The following SPAG16 variants were observed in gnomAD, a reference collection of about 807,000 sequenced individuals.
The protein encoded by SPAG16 is sperm associated antigen 16, also known as sperm-associated antigen 16 protein.
A neutral mutation model predicts 80.4 loss-of-function variants in SPAG16; 86 were observed. That is an observed-to-expected ratio of 1.07 (90% CI 0.90 to 1.28). SPAG16 has a LOEUF of 1.28. Among genes scored for constraint, SPAG16 ranks in the 50% most tolerant of loss-of-function variants. The pLI is 0.00. For missense variants in SPAG16, 870 were observed against 765.3 expected, an observed-to-expected ratio of 1.14 and a Z score of -1.61; for synonymous variants, 294 against 265.9, an observed-to-expected ratio of 1.11 and a Z score of -1.03.
chr2:214,388,277 A>G (rs1700872750), intron 15 of SPAG16, among the ~76,000 whole-genome samples: 1 of 152,016 alleles, frequency 6.6e-6, no homozygotes, highest in Admixed American at 6.6e-5. Flanking sequence ...CTATTTAAGA[A>G]AAAAAAATTA....
intron 13 of SPAG16, among the ~76,000 whole-genome samples, chr2:214,049,689 C>G (rs1293010731): frequency 1.3e-5 from 2 of 152,156 alleles, no homozygotes; most frequent in African/African-American, 2.4e-5. Context: ...AGCTGGGGAC[C>G]AGCGGGGCTG....
rs1559529512 is a variant in SPAG16, at chr2:213,860,460, CA to C, written c.1071-2024del. On this transcript the variant is annotated intron_variant, in intron 10 of 15. Transcript: ENST00000331683. ...ATTTATAGATATATGTATATATATA[CA>C]GATATATCTATCTATATATATATAT... 6.7e-4 allele frequency among the ~76,000 whole-genome samples: 88 copies of C among 131,598 alleles called. 1 individual carries two copies. The highest frequency in any genetic ancestry group is 9.1e-4 in the Non-Finnish European group (57 of 62,406). 86.3% of individuals were successfully genotyped at this position (131,598 alleles called of 152,430 possible). A position where few individuals can be genotyped will look rare whatever the true frequency, so the allele number is the denominator to read the frequency against.
chr2:213,286,557 A>G (rs2062063039), intron 1 of SPAG16, among the ~76,000 whole-genome samples: 1 of 152,236 alleles, frequency 6.6e-6, no homozygotes, highest in Non-Finnish European at 1.5e-5. Context: ...CCTTTGGTTT[A>G]AAGTCTTTGC....
chr2:213,991,119 C>T (rs2106450767), intron 12 of SPAG16, among the ~76,000 whole-genome samples: 1 of 152,174 alleles, frequency 6.6e-6, no homozygotes, highest in South Asian at 2.1e-4. Flanking sequence ...CCATCATCTA[C>T]ATTAGGTATG....
At chr2:214,133,961 C>G (rs1435168238) in intron 14 of SPAG16, among the ~76,000 whole-genome samples, 1 of 152,056 alleles carries the variant, frequency 6.6e-6, no homozygotes, top group East Asian at 1.9e-4. Context: ...GGGGAACTTC[C>G]AAGTGAGAAA....
rs1575665829 is a variant in SPAG16, at chr2:213,468,025, C to G, written c.943-21938C>G. Among the ~76,000 whole-genome samples the G allele has an allele frequency of 2.0e-5, 3 of 152,320 alleles. No individual in the cohort carries two copies. In the East Asian group the frequency reaches 5.8e-4, roughly 29 times the overall value. On this transcript the variant is annotated intron_variant, in intron 9 of 15. Coordinates refer to ENST00000331683, the MANE Select transcript of SPAG16 (RefSeq NM_024532.5). ...TGTAAAAGACCAAAGTAGCCACTTT[C>G]AGGAGGTTCTCTAAAGTGCTATCTT... is the stretch of plus-strand genomic sequence containing the variant.
chr2:213,552,240 C>G (rs2076800300), intron 10 of SPAG16, among the ~76,000 whole-genome samples: 1 of 152,284 alleles, frequency 6.6e-6, no homozygotes, highest in East Asian at 1.9e-4. Flanking sequence ...CCCCATAAAT[C>G]ATGGAAATGA....
intron 13 of SPAG16, among the ~76,000 whole-genome samples, chr2:214,046,243 G>A (rs2049320940): frequency 6.6e-6 from 1 of 152,022 alleles, no homozygotes; most frequent in African/African-American, 2.4e-5. Flanking sequence ...AGGACTCAAT[G>A]CCTTCACTGA....
Position 214,362,441 on chromosome 2 carries a change from C to T in SPAG16, c.1721-47699C>T, listed in dbSNP as rs557249943. ...AGGGAAAATATAGAAAGATAATGAACGTATATCAGTATAACTTTATCTAGC... is the reference window on the plus strand; with the variant it reads ...AGGGAAAATATAGAAAGATAATGAATGTATATCAGTATAACTTTATCTAGC... On this transcript the variant is annotated intron_variant, in intron 15 of 15. Transcript: ENST00000331683. 1.5e-4 allele frequency among the ~76,000 whole-genome samples: 23 copies of T among 151,960 alleles called. 1 individual carries two copies. Among genetic ancestry groups the T allele is most frequent in the African/African-American group, 4.6e-4 (19 of 41,534 alleles).
intron 13 of SPAG16, among the ~76,000 whole-genome samples, chr2:214,032,929 A>T (rs1432908037): frequency 1.3e-5 from 2 of 152,202 alleles, no homozygotes; most frequent in African/African-American, 2.4e-5. Flanking sequence ...TTTTTATGTT[A>T]TACAAAGAAT....
intron 7 of SPAG16, among the ~76,000 whole-genome samples, chr2:213,356,223 C>T (rs1192356006): frequency 3.3e-5 from 5 of 152,174 alleles, no homozygotes; most frequent in African/African-American, 9.6e-5. Context: ...TTTGTTGTGT[C>T]TCTGCCAGGC....
At chr2:213,965,057 A>G (rs969476876) in intron 12 of SPAG16, among the ~76,000 whole-genome samples, 28 of 152,132 alleles carry the variant, frequency 1.8e-4, no homozygotes, top group Admixed American at 9.2e-4. Flanking sequence ...AATGTTCAGT[A>G]TTGATTCTCC....
Position 213,825,256 on chromosome 2 carries a change from A to G in SPAG16, c.1071-37229A>G, listed in dbSNP as rs558248502. Among the ~76,000 whole-genome samples the G allele has an allele frequency of 1.9e-3, 292 of 152,262 alleles. 2 individuals carry two copies. The highest frequency in any genetic ancestry group is 6.6e-3 in the African/African-American group (275 of 41,570). On this transcript the variant is annotated intron_variant, in intron 10 of 15. Transcript: ENST00000331683. ...GATTGCTTTAGCTGGGACTTCCAGC[A>G]CTATGTTGAATAACAGTGGTGGCAG...
At chr2:214,237,097 T>C (rs2125817001) in intron 15 of SPAG16, among the ~76,000 whole-genome samples, 1 of 152,326 alleles carries the variant, frequency 6.6e-6, no homozygotes, top group African/African-American at 2.4e-5. Flanking sequence ...TGTAGAGTAT[T>C]GACCCTTTCA....
At chr2:213,793,082 G>A (rs929507423) in intron 10 of SPAG16, among the ~76,000 whole-genome samples, 1 of 151,854 alleles carries the variant, frequency 6.6e-6, no homozygotes, top group Non-Finnish European at 1.5e-5. Flanking sequence ...GCCTGCCACC[G>A]CGCCCAGCTA....
intron 10 of SPAG16, among the ~76,000 whole-genome samples, chr2:213,510,476 T>TTC (rs2075179523): frequency 6.6e-6 from 1 of 152,164 alleles, no homozygotes; most frequent in Non-Finnish European, 1.5e-5. Flanking sequence ...TCAATGAACT[T>TTC]TCAATTGTGA....
In SPAG16 at chr2:213,675,425, G is replaced by A. The variant is rs543113335; in HGVS notation, c.1070+185335G>A. 2.6e-3 allele frequency among the ~76,000 whole-genome samples: 403 copies of A among 152,102 alleles called. 5 individuals carry two copies. The highest frequency in any genetic ancestry group is 8.2e-3 in the African/African-American group (340 of 41,460). ...TTTGTCAATTTTGGCTTTTGTTGCCGTTGCTTTTGGTGTTTTAGACATGAA... is the reference window on the plus strand; with the variant it reads ...TTTGTCAATTTTGGCTTTTGTTGCCATTGCTTTTGGTGTTTTAGACATGAA... On this transcript the variant is annotated intron_variant, in intron 10 of 15. Coordinates refer to ENST00000331683, the MANE Select transcript of SPAG16 (RefSeq NM_024532.5).
At chr2:213,949,852 T>G (rs947977039) in intron 12 of SPAG16, among the ~76,000 whole-genome samples, 4 of 152,196 alleles carry the variant, frequency 2.6e-5, no homozygotes, top group African/African-American at 9.7e-5. Context: ...TTTTATAAAA[T>G]TAACATTAAT....
intron 10 of SPAG16, among the ~76,000 whole-genome samples, chr2:213,542,453 G>T (rs1441317762): frequency 6.6e-6 from 1 of 152,054 alleles, no homozygotes; most frequent in Non-Finnish European, 1.5e-5. Flanking sequence ...GTTATGTATT[G>T]CTGCTGTTTT....
Sources: gnomAD v4.1 joint callset for allele counts (sites outside exome capture counted in the v4.1 genomes callset) on GRCh38, gnomAD v4.1.1 for gene constraint, MANE v1.5 for transcripts, NCBI Gene and HGNC (gene_info 2026-07-23, HGNC 2026-07-21) for gene names.